UVSSA: variants seen among roughly 807,000 people sequenced by gnomAD.
The protein encoded by UVSSA is UV-stimulated scaffold protein A.
A neutral mutation model predicts 73.9 loss-of-function variants in UVSSA; 72 were observed. That is an observed-to-expected ratio of 0.97 (90% confidence interval 0.81 to 1.19). The LOEUF (loss-of-function observed/expected upper bound fraction) is 1.19, where lower values mean the gene tolerates loss of function less well. Ranked by LOEUF, UVSSA falls within the 50% of genes most tolerant of loss-of-function variation. The pLI is 0.00. For synonymous variants in UVSSA, 454 were observed against 391.3 expected (o/e 1.16, Z -1.89); for missense variants, 1,150 against 965.0 (o/e 1.19, Z -2.54).
intron 10 of UVSSA, among the ~76,000 whole-genome samples, chr4:1,376,510 G>C (rs142082442): frequency 1.3e-5 from 2 of 152,220 alleles, no homozygotes; most frequent in Admixed American, 1.3e-4. Context: ...AGGACTGCAC[G>C]GTTGGCTGAG....
chr4:1,376,829 G>A (rs931837017), intron 10 of UVSSA, among the ~76,000 whole-genome samples: 4 of 152,186 alleles, frequency 2.6e-5, no homozygotes, highest in Non-Finnish European at 4.4e-5. Flanking sequence ...GCCGCAGGAC[G>A]GTTCTCCACA....
chr4:1,359,500 T>G (rs1716307152), intron 7 of UVSSA: 1 of 152,268 alleles, frequency 6.6e-6, no homozygotes, highest in African/African-American at 2.4e-5. Flanking sequence ...ATTAATTTCC[T>G]ATCAGCCAGT....
rs61165235 is a variant in UVSSA, at chr4:1,367,826, G to A, written c.1288+1395G>A. On this transcript the variant is annotated intron_variant, in intron 8 of 13. Coordinates refer to ENST00000389851, the MANE Select transcript of UVSSA (RefSeq NM_020894.4). ...CCCACCGAGACGCAGCCCCAGCTGT[G>A]CCCTCATCGGGCTTCCCCTGTCCCC... Among the ~76,000 whole-genome samples, 302 of 151,492 alleles carry A rather than the reference G, an allele frequency of 2.0e-3. 4 individuals are homozygous for A. The highest frequency in any genetic ancestry group is 7.1e-3 in the African/African-American group (292 of 41,258).
upstream of UVSSA, among the ~76,000 whole-genome samples, chr4:1,346,467 C>A (rs1713696580): frequency 6.6e-6 from 1 of 152,206 alleles, no homozygotes; most frequent in Admixed American, 6.5e-5. Context: ...CCCCTGCGTT[C>A]GAGGCTGCGG....
chr4:1,356,943 C>T (rs865935120), intron 7 of UVSSA: 1 of 153,034 alleles, frequency 6.5e-6, no homozygotes, highest in Admixed American at 6.5e-5. Flanking sequence ...TGAAGGTGGC[C>T]GGTGGGCCTT....
intron 8 of UVSSA, among the ~76,000 whole-genome samples, chr4:1,373,828 G>A (rs972143136): frequency 1.6e-4 from 24 of 152,208 alleles, no homozygotes; most frequent in South Asian, 1.2e-3. Context: ...TGTCTCACTC[G>A]TGCTGTGGCC....
In UVSSA at chr4:1,380,186, C is replaced by T. The variant is rs1423377390; in HGVS notation, c.1708C>T (p.Pro570Ser). 1 of 1,612,906 alleles carries T rather than the reference C, an allele frequency of 6.2e-7. No individual in the cohort carries two copies. Among genetic ancestry groups the T allele is most frequent in the South Asian group, 1.1e-5 (1 of 91,080 alleles). Residue 570 changes from proline to serine, a missense_variant, in exon 11 of 14, where the codon CCG becomes TCG. Physicochemically the swap from Pro to Ser is moderately conservative, Grantham distance 74. Transcript: ENST00000389851. ...FEPVQHWCRA[P>S]RPDGRLCERQ... ...GCCTGTGCAGCACTGGTGCCGTGCC[C>T]CGAGGCCAGACGGCCGGCTCTGTGA... is the stretch of plus-strand genomic sequence containing the variant.
At chr4:1,343,552 C>T (rs1227231565), upstream of UVSSA, among the ~76,000 whole-genome samples, 1 of 152,148 alleles carries the variant, frequency 6.6e-6, no homozygotes, top group Admixed American at 6.5e-5. Context: ...GGTATTGCCA[C>T]CTCCAGGAGG....
intron 8 of UVSSA, among the ~76,000 whole-genome samples, chr4:1,367,126 G>A (rs969095464): frequency 1.3e-5 from 2 of 152,184 alleles, no homozygotes; most frequent in African/African-American, 4.8e-5. Flanking sequence ...CACGGCAAGG[G>A]GCTCTTCTCA....
At chr4:1,394,710 C>G (rs1226496170) in exon 14 of UVSSA, 1 of 1,598,522 alleles carries the variant, frequency 6.3e-7, no homozygotes, top group Non-Finnish European at 8.5e-7. Context: ...CCCGCCTGCT[C>G]ACACACGTGT....
rs1560436531 is a variant in UVSSA, at chr4:1,355,222, C to T, written c.1153C>T (p.Pro385Ser). The part of the protein sequence containing the change: ...LRKYKELDIE[P>S]EGGERRRTEA... The stretch of plus-strand genomic sequence containing the variant: ...AAAATACAAGGAGCTGGACATCGAG[C>T]CTGAGGGAGGGGAAAGGCGCAGGGT... The change falls in exon 7 of 14, where the codon CCT becomes TCT. Residue 385 changes from proline (P) to serine (S), a missense_variant. Pro to Ser is a moderately conservative substitution (Grantham distance 74, BLOSUM62 -1). Coordinates refer to ENST00000389851, the MANE Select transcript of UVSSA (RefSeq NM_020894.4). 1 of 1,612,476 alleles carries T rather than the reference C, an allele frequency of 6.2e-7. No homozygotes were observed. Among genetic ancestry groups the T allele is most frequent in the Middle Eastern group, 1.6e-4 (1 of 6,062 alleles).
At chr4:1,370,077 G>A (rs1388651427) in intron 8 of UVSSA, among the ~76,000 whole-genome samples, 1 of 152,222 alleles carries the variant, frequency 6.6e-6, no homozygotes, top group Non-Finnish European at 1.5e-5. Flanking sequence ...AGTGCCCTAA[G>A]TATTTACCCT....
At chr4:1,360,748 C>T (rs900535544) in intron 7 of UVSSA, among the ~76,000 whole-genome samples, 2 of 152,208 alleles carry the variant, frequency 1.3e-5, no homozygotes, top group African/African-American at 4.8e-5. Context: ...TTCCCGAGCC[C>T]AGAGTTAGCT....
rs1720084857 is a variant in UVSSA at position 1,386,045 on chromosome 4, A to AGTAACC, written c.*85_*90dup. The AGTAACC allele has an allele frequency of 2.2e-6, 3 of 1,377,034 alleles. No individual in the cohort carries two copies. Among genetic ancestry groups the AGTAACC allele is most frequent in the Non-Finnish European group, 3.1e-6 (3 of 967,872 alleles). The allele number at this position is 1,377,034 out of a possible 1,614,324, so 85.3% of individuals were successfully genotyped here. ...CAGCAGAGTGGGCGTGGGTCTGGGC[A>AGTAACC]GTAACCATGCTTTGTCTATTACTGT... On this transcript the variant is annotated 3_prime_UTR_variant, in exon 14 of 14. Coordinates refer to ENST00000389851, the MANE Select transcript of UVSSA (RefSeq NM_020894.4).
Position 1,385,879 on chromosome 4 carries a change from G to A in UVSSA, c.2048G>A (p.Arg683Gln), listed in dbSNP as rs745584965. 9.9e-6 allele frequency: 16 copies of A among 1,613,958 alleles called. No individual in the cohort carries two copies. The highest frequency in any genetic ancestry group is 8.0e-5 in the African/African-American group (6 of 74,954). Residue 683 changes from arginine (R) to glutamine (Q), a missense_variant, in exon 14 of 14, where the codon CGG (arginine) becomes CAG (glutamine). Physicochemically the swap from Arg to Gln is conservative, Grantham distance 43. Coordinates refer to ENST00000389851, the MANE Select transcript of UVSSA (RefSeq NM_020894.4). Reference protein sequence around the residue: ...GRKVFAKAAVRRVVAAMNRMD... With the variant: ...GRKVFAKAAVQRVVAAMNRMD... ...TTGTTTCCCCACAGGGCAGCTGTGC[G>A]GAGGGTAGTGGCAGCCATGAACCGG... is the stretch of plus-strand genomic sequence containing the variant.
At chr4:1,375,975 G>C in intron 9 of UVSSA, 59 bp from the exon 10 acceptor site, 1 of 1,553,704 alleles carries the variant, frequency 6.4e-7, no homozygotes, top group Non-Finnish European at 8.7e-7. Context: ...GGAGGGAGAG[G>C]AGGGTGGCTG....
At position 1,354,758 on chromosome 4, in the gene UVSSA, G is replaced by T. The variant is rs772530224; in HGVS notation, c.958G>T (p.Glu320Ter). 1.9e-6 allele frequency: 3 copies of T among 1,613,584 alleles called. No homozygotes were observed. The East Asian group carries it at 6.7e-5, about 36-fold the overall frequency. The change falls in exon 6 of 14, where the codon GAG becomes TAG. Residue 320 changes from glutamate (E) to a stop codon, truncating the protein, a stop_gained. Coordinates refer to ENST00000389851, the MANE Select transcript of UVSSA (RefSeq NM_020894.4). LOFTEE classifies it high-confidence loss of function. ...AGAGGGCCTGAAGGTGCAGGAGAAC[G>T]AGGACAACCTTGCTCTCATCCACGC... is the stretch of plus-strand genomic sequence containing the variant. ...CSEGLKVQEN[E>*]DNLALIHAAR...
At chr4:1,376,872 C>A (rs1718841224) in intron 10 of UVSSA, among the ~76,000 whole-genome samples, 1 of 152,200 alleles carries the variant, frequency 6.6e-6, no homozygotes, top group East Asian at 1.9e-4. Flanking sequence ...AGTGCCAAGG[C>A]TGTGTCCTGG....
At chr4:1,357,538 T>C (rs1012836040) in intron 7 of UVSSA, among the ~76,000 whole-genome samples, 4 of 152,208 alleles carry the variant, frequency 2.6e-5, no homozygotes, top group Non-Finnish European at 5.9e-5. Flanking sequence ...TGGGTGAGGA[T>C]GAGGAGCTGC....
Sources: gnomAD v4.1 joint callset for allele counts (sites outside exome capture counted in the v4.1 genomes callset) on GRCh38, gnomAD v4.1.1 for gene constraint, MANE v1.5 for transcripts, NCBI Gene and HGNC (gene_info 2026-07-23, HGNC 2026-07-21) for gene names.